The following SPIDR variants were observed in gnomAD, a reference collection of about 807,000 sequenced individuals.
The protein encoded by SPIDR is scaffold protein involved in DNA repair, also known as DNA repair-scaffolding protein.
Under a neutral mutation model 104.6 loss-of-function variants are expected in SPIDR, and 93 were observed. The ratio of observed to expected loss-of-function variants is 0.89; its 90% confidence interval spans 0.75 to 1.06. The LOEUF (loss-of-function observed/expected upper bound fraction) is 1.06. Among genes scored for constraint, SPIDR ranks in the 50% least tolerant of loss-of-function variants. The pLI is 0.00. For missense variants in SPIDR, 1,154 were observed against 1,111.2 expected, an observed-to-expected ratio of 1.04 and a Z score of -0.55; for synonymous variants, 431 against 416.9, an observed-to-expected ratio of 1.03 and a Z score of -0.41.
intron 5 of SPIDR, among the ~76,000 whole-genome samples, chr8:47,377,777 C>T (rs950819752): frequency 3.3e-5 from 5 of 152,148 alleles, no homozygotes; most frequent in East Asian, 1.9e-4. Flanking sequence ...CCCAAGTGGC[C>T]GCGTCAAGGG....
At chr8:47,477,672 C>G (rs1280430638) in intron 8 of SPIDR, among the ~76,000 whole-genome samples, 6 of 152,120 alleles carry the variant, frequency 3.9e-5, no homozygotes, top group African/African-American at 1.4e-4. Context: ...GCAGATTGTC[C>G]CTCAATAAGT....
chr8:47,287,135 A>G (rs1194510490), intron 3 of SPIDR, among the ~76,000 whole-genome samples: 2 of 152,170 alleles, frequency 1.3e-5, no homozygotes, highest in Non-Finnish European at 2.9e-5. Context: ...TAAGGACTTC[A>G]AAAGGGGAGG....
At chr8:47,341,723 G>A (rs577573023) in intron 5 of SPIDR, among the ~76,000 whole-genome samples, 30 of 152,094 alleles carry the variant, frequency 2.0e-4, no homozygotes, top group Non-Finnish European at 2.8e-4. Context: ...AACATTTGTC[G>A]CTCATGGTGG....
At chr8:47,292,244 T>C (rs990904379) in intron 4 of SPIDR, among the ~76,000 whole-genome samples, 49 of 152,200 alleles carry the variant, frequency 3.2e-4, no homozygotes, top group Non-Finnish European at 5.6e-4. Flanking sequence ...GTTAGTTACC[T>C]AGGGTTCAGT....
chr8:47,697,537 C>T (rs189554835), intron 11 of SPIDR, among the ~76,000 whole-genome samples: 36 of 151,150 alleles, frequency 2.4e-4, no homozygotes, highest in African/African-American at 8.5e-4. Context: ...TAGGAAAGCA[C>T]GCGTGGGCTC....
At chr8:47,278,710 C>T (rs1002383647) in intron 1 of SPIDR, among the ~76,000 whole-genome samples, 2 of 151,950 alleles carry the variant, frequency 1.3e-5, no homozygotes, top group African/African-American at 2.4e-5. Flanking sequence ...CGGGGTCAAG[C>T]GATTGTCCTG....
At chr8:47,391,852 T>C (rs1203598460) in intron 5 of SPIDR, among the ~76,000 whole-genome samples, 3 of 151,626 alleles carry the variant, frequency 2.0e-5, no homozygotes, top group Admixed American at 6.6e-5. Flanking sequence ...AAAAATTAGC[T>C]GGGCGTAGTG....
intron 8 of SPIDR, among the ~76,000 whole-genome samples, chr8:47,479,577 G>A (rs2076663563): frequency 6.6e-6 from 1 of 152,156 alleles, no homozygotes; most frequent in African/African-American, 2.4e-5. Flanking sequence ...GGGCAGTAGG[G>A]GGGAATGCAG....
chr8:47,440,526 C>T lies in SPIDR; in HGVS notation c.1081C>T (p.Arg361Trp), dbSNP rs565970445. ...YLRGRPQDTVRIFPPWQKLII... is the reference protein window; with the variant it reads ...YLRGRPQDTVWIFPPWQKLII... The stretch of plus-strand genomic sequence containing the variant: ...CAGGGGCCGTCCCCAGGACACTGTC[C>T]GGATCTTCCCTCCCTGGTGAGTGCG... The change falls in exon 8 of 20, where the codon CGG becomes TGG. Residue 361 changes from arginine to tryptophan, a missense_variant. Coordinates refer to ENST00000297423, the MANE Select transcript of SPIDR (RefSeq NM_001080394.4). The T allele has an allele frequency of 3.2e-5, 52 of 1,613,978 alleles. No individual in the cohort carries two copies. The highest frequency in any genetic ancestry group is 1.9e-4 in the African/African-American group (14 of 75,072).
At chr8:47,492,716 C>T (rs1302435176) in intron 8 of SPIDR, among the ~76,000 whole-genome samples, 5 of 152,092 alleles carry the variant, frequency 3.3e-5, no homozygotes, top group Non-Finnish European at 4.4e-5. Flanking sequence ...AGGAAGCATA[C>T]GTCTGGCCGT....
At chr8:47,512,458 C>T (rs553932905) in intron 8 of SPIDR, among the ~76,000 whole-genome samples, 1 of 152,166 alleles carries the variant, frequency 6.6e-6, no homozygotes, top group Non-Finnish European at 1.5e-5. Flanking sequence ...CAGCTCTGTT[C>T]CCCCTCTCTC....
intron 11 of SPIDR, among the ~76,000 whole-genome samples, chr8:47,676,247 A>G (rs1172075364): frequency 6.6e-6 from 1 of 152,228 alleles, no homozygotes; most frequent in Non-Finnish European, 1.5e-5. Context: ...GAGTATTCCA[A>G]CAAATTCATT....
At chr8:47,407,759 T>G (rs1271191627) in intron 6 of SPIDR, 102 bp from the exon 7 acceptor site, 1 of 571,096 alleles carries the variant, frequency 1.8e-6, no homozygotes, top group African/African-American at 1.9e-5. Flanking sequence ...TTTGCATGTT[T>G]TATCTGTTTG....
At chr8:47,418,438 A>G (rs1398986839) in intron 7 of SPIDR, among the ~76,000 whole-genome samples, 1 of 152,128 alleles carries the variant, frequency 6.6e-6, no homozygotes. Flanking sequence ...ATTGGTATAT[A>G]AGAATGCTTG....
intron 2 of SPIDR, among the ~76,000 whole-genome samples, chr8:47,283,806 A>G (rs938568062): frequency 1.3e-5 from 2 of 152,164 alleles, no homozygotes; most frequent in Non-Finnish European, 2.9e-5. Flanking sequence ...TGTTAATGGG[A>G]AACGTTTTGG....
At chr8:47,351,263 G>A (rs919088349) in intron 5 of SPIDR, among the ~76,000 whole-genome samples, 1 of 152,132 alleles carries the variant, frequency 6.6e-6, no homozygotes. Context: ...TGAATATAGC[G>A]TTTGGTGCTA....
chr8:47,569,841 A>G (rs558112393), intron 8 of SPIDR, among the ~76,000 whole-genome samples: 10 of 152,220 alleles, frequency 6.6e-5, no homozygotes, highest in Non-Finnish European at 1.2e-4. Flanking sequence ...TTTCTGTACA[A>G]TGCAATGAAC....
intron 10 of SPIDR, among the ~76,000 whole-genome samples, chr8:47,634,742 T>G (rs1431521291): frequency 6.6e-6 from 1 of 152,160 alleles, no homozygotes; most frequent in Admixed American, 6.5e-5. Context: ...TGCAAACTAC[T>G]CCCCTGGCTC....
chr8:47,561,804 G>A (rs999556899), intron 8 of SPIDR, among the ~76,000 whole-genome samples: 1 of 152,122 alleles, frequency 6.6e-6, no homozygotes, highest in Non-Finnish European at 1.5e-5. Flanking sequence ...ATATAGCCTT[G>A]TATAACATGT....
Sources: gnomAD v4.1 joint callset for allele counts (sites outside exome capture counted in the v4.1 genomes callset) on GRCh38, gnomAD v4.1.1 for gene constraint, MANE v1.5 for transcripts, NCBI Gene and HGNC (gene_info 2026-07-23, HGNC 2026-07-21) for gene names.